Variants in PDE1C observed in about 807,000 individuals in gnomAD.
PDE1C encodes the protein phosphodiesterase 1C, also known as dual specificity calcium/calmodulin-dependent 3',5'-cyclic nucleotide phosphodiesterase 1C.
Under a neutral mutation model 93.1 loss-of-function variants are expected in PDE1C, and 62 were observed. The observed-to-expected ratio is 0.67, with a 90% CI of 0.54 to 0.82. PDE1C has a LOEUF of 0.82. PDE1C is among the 40% of genes least tolerant of loss of function. The pLI is 0.00. For missense variants in PDE1C, 742 were observed against 884.6 expected, an observed-to-expected ratio of 0.84 and a Z score of 2.04; for synonymous variants, 325 against 310.1, an observed-to-expected ratio of 1.05 and a Z score of -0.50.
chr7:32,314,391 C>G (rs1783126111), intron 1 of PDE1C, among the ~76,000 whole-genome samples: 1 of 152,080 alleles, frequency 6.6e-6, no homozygotes, highest in South Asian at 2.1e-4. Flanking sequence ...CAAACTTTGT[C>G]ACATCAAAGA....
rs191866778 is a variant in PDE1C, at chr7:32,255,862, A to G, written c.85+42789T>C. ...CTGGTGCAGATACTTGTGCAGATAC[A>G]GAAAGGGCTGGTGGACTATGGTGAG... On this transcript the variant is annotated intron_variant, in intron 1 of 18. Transcript: ENST00000396193. 2.0e-5 allele frequency among the ~76,000 whole-genome samples: 3 copies of G among 152,328 alleles called. No homozygotes were observed. In the East Asian group the frequency reaches 5.8e-4, roughly 29 times the overall value.
chr7:31,804,869 G>A (rs910147275), intron 16 of PDE1C, among the ~76,000 whole-genome samples: 2 of 151,766 alleles, frequency 1.3e-5, no homozygotes, highest in African/African-American at 4.8e-5. Flanking sequence ...GATAATGCTG[G>A]ACAAAGAGAT....
intron 3 of PDE1C, among the ~76,000 whole-genome samples, chr7:32,132,812 A>G (rs1799993122): frequency 6.6e-6 from 1 of 152,190 alleles, no homozygotes; most frequent in African/African-American, 2.4e-5. Context: ...CTTGGACTAG[A>G]GTGGAGAAAA....
chr7:31,696,901 G>A, the PDE1C span: 2 of 1,533,778 alleles, frequency 1.3e-6, no homozygotes, highest in Non-Finnish European at 1.8e-6. Context: ...AATATGCACA[G>A]TCCTCATATA....
intron 1 of PDE1C, among the ~76,000 whole-genome samples, chr7:32,349,500 A>G (rs1783917916): frequency 2.6e-5 from 4 of 152,246 alleles, no homozygotes; most frequent in Admixed American, 2.6e-4. Context: ...GGCTAAAGTT[A>G]ACTTTTGCAC....
rs1454836935 is a variant in PDE1C at position 32,122,508 on chromosome 7, A to C, written c.308+47277T>G. ...GCAAATGCAAAAGAACTAAAATCAT[A>C]ACAGTCTCTTAGACCACAATGCAAT... On this transcript the variant is annotated intron_variant, in intron 3 of 18. Transcript: ENST00000396193. Among the ~76,000 whole-genome samples, 3 of 152,204 alleles carry C rather than the reference A, an allele frequency of 2.0e-5. 1 individual carries two copies. Among genetic ancestry groups the C allele is most frequent in the African/African-American group, 4.8e-5 (2 of 41,458 alleles).
intron 17 of PDE1C, among the ~76,000 whole-genome samples, chr7:31,761,695 T>G (rs1346792498): frequency 5.3e-5 from 8 of 152,176 alleles, no homozygotes; most frequent in African/African-American, 1.9e-4. Context: ...GCAGAATCTA[T>G]GAGGGTAGGA....
At chr7:31,932,762 G>T (rs541178077) in intron 2 of PDE1C, among the ~76,000 whole-genome samples, 3 of 151,426 alleles carry the variant, frequency 2.0e-5, no homozygotes, top group Non-Finnish European at 4.4e-5. Flanking sequence ...AGACACATGC[G>T]CACATATGTT....
the PDE1C span, among the ~76,000 whole-genome samples, chr7:31,619,924 G>A: frequency 3.0e-3 from 451 of 152,276 alleles, no homozygotes; most frequent in African/African-American, 9.0e-3. Flanking sequence ...CTTTTCCGAC[G>A]GGCTTAAAAA....
At chr7:32,386,576 T>A (rs1420346678) in intron 1 of PDE1C, among the ~76,000 whole-genome samples, 1 of 123,808 alleles carries the variant, frequency 8.1e-6, no homozygotes, top group East Asian at 2.2e-4. Context: ...TGGTCAACAT[T>A]CTTGCATCCA....
chr7:32,154,518 A>G (rs1268624720), intron 3 of PDE1C, among the ~76,000 whole-genome samples: 1 of 152,080 alleles, frequency 6.6e-6, no homozygotes, highest in African/African-American at 2.4e-5. Flanking sequence ...CTACAACCTC[A>G]CTCAGGTTTC....
chr7:32,046,205 C>CT (rs75414654), intron 2 of PDE1C, among the ~76,000 whole-genome samples: 7,625 of 115,736 alleles, frequency 0.066, 485 homozygotes, highest in African/African-American at 0.21. Context: ...AGCCATTTGC[C>CT]TTTTTTTTAA....
At chr7:32,273,609 C>G (rs574108163) in intron 1 of PDE1C, among the ~76,000 whole-genome samples, 64 of 152,288 alleles carry the variant, frequency 4.2e-4, no homozygotes, top group African/African-American at 9.9e-4. Flanking sequence ...GGTGGCAGGA[C>G]AGATGAGCAT....
At chr7:31,723,416 A>G in the PDE1C span, among the ~76,000 whole-genome samples, 1 of 152,192 alleles carries the variant, frequency 6.6e-6, no homozygotes, top group Non-Finnish European at 1.5e-5. Context: ...CTGATGTTTC[A>G]GGGAGTTGGT....
the PDE1C span, among the ~76,000 whole-genome samples, chr7:31,690,313 T>G: frequency 6.6e-6 from 1 of 152,266 alleles, no homozygotes; most frequent in African/African-American, 2.4e-5. Context: ...CATGCAGCTA[T>G]GCTATTTCAT....
intron 2 of PDE1C, among the ~76,000 whole-genome samples, chr7:31,973,431 A>C (rs1422077577): frequency 3.3e-5 from 5 of 152,234 alleles, no homozygotes; most frequent in Non-Finnish European, 5.9e-5. Flanking sequence ...TGAAAACTGA[A>C]GACAAAAATA....
At chr7:32,252,921 G>A (rs527867224) in intron 1 of PDE1C, among the ~76,000 whole-genome samples, 1 of 152,238 alleles carries the variant, frequency 6.6e-6, no homozygotes, top group East Asian at 1.9e-4. Flanking sequence ...CCCTTCTCAT[G>A]GCCTAACCAT....
chr7:31,937,667 A>G (rs574102493), intron 2 of PDE1C, among the ~76,000 whole-genome samples: 1 of 152,304 alleles, frequency 6.6e-6, no homozygotes, highest in East Asian at 1.9e-4. Flanking sequence ...ATAGACTTGC[A>G]ATAAAAAGAC....
chr7:32,101,843 C>G (rs940666953), intron 3 of PDE1C, among the ~76,000 whole-genome samples: 1 of 152,096 alleles, frequency 6.6e-6, no homozygotes, highest in Non-Finnish European at 1.5e-5. Flanking sequence ...AAGCATAGTG[C>G]CAGTATTTGC....
Sources: allele counts gnomAD v4.1 joint callset (sites outside exome capture counted in the v4.1 genomes callset), GRCh38; gene constraint gnomAD v4.1.1; transcripts MANE v1.5; gene names NCBI Gene and HGNC (gene_info 2026-07-23, HGNC 2026-07-21).